The following SLC9A9 variants were observed in gnomAD, a reference collection of about 807,000 sequenced individuals.
SLC9A9 encodes sodium/hydrogen exchanger 9.
Under a neutral mutation model 77.8 loss-of-function variants are expected in SLC9A9, and 62 were observed. The ratio of observed to expected loss-of-function variants is 0.80; its 90% confidence interval spans 0.65 to 0.98. The LOEUF (loss-of-function observed/expected upper bound fraction) is 0.98, where lower values mean the gene tolerates loss of function less well. SLC9A9 is among the 50% of genes least tolerant of loss of function. SLC9A9 has a pLI of 0.00. For synonymous variants in SLC9A9, 320 were observed against 283.5 expected, an observed-to-expected ratio of 1.13 and a Z score of -1.29; for missense variants, 775 against 774.9, an observed-to-expected ratio of 1.00 and a Z score of 0.00.
chr3:143,352,408 A>T (rs917456534), intron 14 of SLC9A9, among the ~76,000 whole-genome samples: 2 of 152,174 alleles, frequency 1.3e-5, no homozygotes, highest in Non-Finnish European at 2.9e-5. Context: ...GGTCAGTGAA[A>T]CCTAATACAC....
intron 12 of SLC9A9, among the ~76,000 whole-genome samples, chr3:143,389,374 G>A (rs1480864044): frequency 6.6e-6 from 1 of 152,140 alleles, no homozygotes; most frequent in Non-Finnish European, 1.5e-5. Context: ...AGAAGAGAGA[G>A]ATTTCAGAGA....
At chr3:143,704,546 C>T (rs1349581564) in intron 4 of SLC9A9, among the ~76,000 whole-genome samples, 1 of 152,060 alleles carries the variant, frequency 6.6e-6, no homozygotes, top group African/African-American at 2.4e-5. Flanking sequence ...ACTCAAAAAA[C>T]TAAAAAACCA....
chr3:143,712,262 G>C (rs929028338), intron 4 of SLC9A9, among the ~76,000 whole-genome samples: 7 of 152,078 alleles, frequency 4.6e-5, no homozygotes, highest in African/African-American at 1.7e-4. Context: ...CTACTTCTCT[G>C]GGGAAAAAAG....
At chr3:143,545,293 A>C (rs2036768089) in intron 9 of SLC9A9, among the ~76,000 whole-genome samples, 1 of 152,232 alleles carries the variant, frequency 6.6e-6, no homozygotes, top group Non-Finnish European at 1.5e-5. Context: ...CCTTGCCTCC[A>C]GTAAGCAATT....
intron 1 of SLC9A9, among the ~76,000 whole-genome samples, chr3:143,846,425 A>G (rs1048434111): frequency 6.6e-6 from 1 of 152,216 alleles, no homozygotes; most frequent in African/African-American, 2.4e-5. Flanking sequence ...TCTGTTCATG[A>G]TGGAGATAGG....
intron 13 of SLC9A9, among the ~76,000 whole-genome samples, chr3:143,368,385 T>C (rs2032964497): frequency 6.6e-6 from 1 of 152,204 alleles, no homozygotes; most frequent in Admixed American, 6.5e-5. Flanking sequence ...GTATTAACTT[T>C]GATGAAAAAG....
rs1327200902 is a variant in SLC9A9, at chr3:143,725,818, A to C, written c.534-32511T>G. ...AAGTTAATGGGTGCAGCACACCAGC[A>C]TGGCACATGTATACATATGTAACTA... On this transcript the variant is annotated intron_variant, in intron 4 of 15. Coordinates refer to ENST00000316549, the MANE Select transcript of SLC9A9 (RefSeq NM_173653.4). Among the ~76,000 whole-genome samples, 6 of 151,284 alleles carry C rather than the reference A, an allele frequency of 4.0e-5. No individual in the cohort carries two copies. The East Asian group carries it at 1.2e-3, about 29-fold the overall frequency.
intron 12 of SLC9A9, among the ~76,000 whole-genome samples, chr3:143,437,647 G>A (rs2034647920): frequency 6.6e-6 from 1 of 152,228 alleles, no homozygotes; most frequent in African/African-American, 2.4e-5. Flanking sequence ...GAGAGCTACA[G>A]TTAAATGATG....
intron 1 of SLC9A9, among the ~76,000 whole-genome samples, chr3:143,834,909 T>A (rs1174806808): frequency 6.6e-6 from 1 of 152,128 alleles, no homozygotes; most frequent in East Asian, 1.9e-4. Context: ...GAGGAGGCAA[T>A]TGACCAGTGG....
chr3:143,804,108 A>C (rs1373035581), intron 2 of SLC9A9, among the ~76,000 whole-genome samples: 1 of 151,886 alleles, frequency 6.6e-6, no homozygotes, highest in Non-Finnish European at 1.5e-5. Context: ...GTAACCTTTC[A>C]CCTTCTCGAT....
intron 6 of SLC9A9, among the ~76,000 whole-genome samples, chr3:143,597,466 C>G (rs1237592020): frequency 6.6e-6 from 1 of 152,194 alleles, no homozygotes; most frequent in East Asian, 1.9e-4. Flanking sequence ...GGAGAACTGG[C>G]CTCGCAACCT....
At chr3:143,494,448 T>C (rs542030811) in intron 10 of SLC9A9, among the ~76,000 whole-genome samples, 2 of 152,352 alleles carry the variant, frequency 1.3e-5, no homozygotes, top group East Asian at 3.9e-4. Flanking sequence ...AACTTCCTTT[T>C]AAAATCCAGG....
intron 4 of SLC9A9, among the ~76,000 whole-genome samples, chr3:143,734,531 C>T (rs553551003): frequency 1.7e-4 from 26 of 152,000 alleles, no homozygotes; most frequent in African/African-American, 6.3e-4. Context: ...GTCAGGAGAT[C>T]GAGACCATCC....
At chr3:143,336,778 A>C (rs2031936424) in intron 14 of SLC9A9, among the ~76,000 whole-genome samples, 1 of 152,208 alleles carries the variant, frequency 6.6e-6, no homozygotes, top group Admixed American at 6.5e-5. Context: ...ATAGAGTTTC[A>C]GTTTTACAGG....
chr3:143,704,995 A>ATATCTATCTATCTATCTATC (rs61441328), intron 4 of SLC9A9, among the ~76,000 whole-genome samples: 5 of 116,010 alleles, frequency 4.3e-5, no homozygotes, highest in African/African-American at 6.6e-5. Context: ...TCCATCTCAA[A>ATATCTATCTATCTATCTATC]TATCTATCTA....
At chr3:143,371,116 T>G (rs2033048809) in intron 13 of SLC9A9, among the ~76,000 whole-genome samples, 1 of 152,104 alleles carries the variant, frequency 6.6e-6, no homozygotes, top group African/African-American at 2.4e-5. Flanking sequence ...TGTCCTTGGT[T>G]GAACACTGAC....
intron 15 of SLC9A9, among the ~76,000 whole-genome samples, chr3:143,267,791 C>T (rs566202974): frequency 1.3e-5 from 2 of 152,300 alleles, no homozygotes; most frequent in South Asian, 2.1e-4. Flanking sequence ...TAATTTTTTC[C>T]ATACAGAGGT....
chr3:143,442,618 G>A (rs1436288739), intron 12 of SLC9A9, among the ~76,000 whole-genome samples: 1 of 152,208 alleles, frequency 6.6e-6, no homozygotes, highest in African/African-American at 2.4e-5. Flanking sequence ...CTACTTGGGA[G>A]GCTGAGGGAG....
Position 143,456,798 on chromosome 3 carries a change from C to T in SLC9A9, c.1469+10239G>A, listed in dbSNP as rs191225506. Among the ~76,000 whole-genome samples the T allele has an allele frequency of 3.0e-3, 464 of 152,228 alleles. 1 individual carries two copies. The highest frequency in any genetic ancestry group is 0.01 in the African/African-American group (428 of 41,530). On this transcript the variant is annotated intron_variant, in intron 12 of 15. Coordinates refer to ENST00000316549, the MANE Select transcript of SLC9A9 (RefSeq NM_173653.4). ...CAGGCTGGTCTCGAACTCCTGACCTCATGATCCATCCACCTTGGCCTCCCA... is the reference window on the plus strand; with the variant it reads ...CAGGCTGGTCTCGAACTCCTGACCTTATGATCCATCCACCTTGGCCTCCCA...
Sources: allele counts gnomAD v4.1 joint callset (sites outside exome capture counted in the v4.1 genomes callset), GRCh38; gene constraint gnomAD v4.1.1; transcripts MANE v1.5; gene names NCBI Gene and HGNC (gene_info 2026-07-23, HGNC 2026-07-21).